Variants in ZDHHC14 observed in about 807,000 individuals in gnomAD.
The protein encoded by ZDHHC14 is zDHHC palmitoyltransferase 14.
ZDHHC14 carries 16 observed loss-of-function variants against 47.7 expected under a neutral mutation model. The ratio of observed to expected loss-of-function variants is 0.34; its 90% CI spans 0.23 to 0.51. The LOEUF is 0.51. Ranked by LOEUF, ZDHHC14 falls within the 20% of genes least tolerant of loss-of-function variation. The probability of loss-of-function intolerance (pLI) is 0.97; values close to 1 mark genes in which losing one functional copy is unlikely to be tolerated. For synonymous variants in ZDHHC14, 293 were observed against 278.9 expected (o/e 1.05, Z -0.50); for missense variants, 515 against 662.5 (o/e 0.78, Z 2.44).
rs1236803708 is a variant in ZDHHC14, at chr6:157,613,792, GTACC to G, written c.566-14554_566-14551del. Among the ~76,000 whole-genome samples, 6 of 152,186 alleles carry G rather than the reference GTACC, an allele frequency of 3.9e-5. No homozygotes were observed. The East Asian group carries it at 9.7e-4, about 25-fold the overall frequency. On this transcript the variant is annotated intron_variant, in intron 3 of 8. Transcript: ENST00000359775. ...GCCTAGGAATAGGCTTCGGGAAATT[GTACC>G]TAAAATGTGTGAGTGCACGAGAGTG... is the stretch of plus-strand genomic sequence containing the variant.
rs1363449197 is a variant in ZDHHC14 at position 157,664,758 on chromosome 6, G to A, written c.1069-7966G>A. On this transcript the variant is annotated intron_variant, in intron 8 of 8. Coordinates refer to ENST00000359775, the MANE Select transcript of ZDHHC14 (RefSeq NM_024630.3). ...CTAATGCACTACTTTTCTCAACCTC[G>A]AGTATCTCTATTTCTCTTTCAGCCA... Among the ~76,000 whole-genome samples the A allele has an allele frequency of 3.3e-5, 5 of 152,120 alleles. No homozygotes were observed. The East Asian group carries it at 7.7e-4, about 23-fold the overall frequency.
rs571931361 is a variant in ZDHHC14 at position 157,609,024 on chromosome 6, G to GT, written c.565+15884dup. Among the ~76,000 whole-genome samples, 353 of 152,260 alleles carry GT rather than the reference G, an allele frequency of 2.3e-3. 2 individuals carry two copies. Among genetic ancestry groups the GT allele is most frequent in the African/African-American group, 7.8e-3 (325 of 41,540 alleles). ...GACCCCTCTGGTTCCTGAGAGCATG[G>GT]TTTTTTCCCCATGCTACCAAGTAAT... On this transcript the variant is annotated intron_variant, in intron 3 of 8. Transcript: ENST00000359775.
intron 1 of ZDHHC14, among the ~76,000 whole-genome samples, chr6:157,540,674 AG>A (rs1275631219): frequency 1.3e-5 from 2 of 152,084 alleles, no homozygotes; most frequent in Admixed American, 6.6e-5. Context: ...AATCTTGAGA[AG>A]GGGGAAAAAC....
At chr6:157,559,850 T>C (rs921241456) in intron 2 of ZDHHC14, among the ~76,000 whole-genome samples, 1 of 152,098 alleles carries the variant, frequency 6.6e-6, no homozygotes, top group Non-Finnish European at 1.5e-5. Context: ...AGAACCAAAA[T>C]AATAAAATGA....
chr6:157,597,895 C>T (rs1239216085), intron 3 of ZDHHC14, among the ~76,000 whole-genome samples: 1 of 152,278 alleles, frequency 6.6e-6, no homozygotes, highest in African/African-American at 2.4e-5. Context: ...TGCAGGGACT[C>T]AGTGTCCAGT....
intron 1 of ZDHHC14, among the ~76,000 whole-genome samples, chr6:157,498,843 A>T (rs180727246): frequency 4.6e-5 from 7 of 152,320 alleles, no homozygotes; most frequent in Admixed American, 1.3e-4. Flanking sequence ...GGACTTTATT[A>T]ATAGGTTAAA....
At chr6:157,638,027 T>C (rs1048982758) in intron 5 of ZDHHC14, among the ~76,000 whole-genome samples, 3 of 151,952 alleles carry the variant, frequency 2.0e-5, no homozygotes. Flanking sequence ...CTACTGTAAG[T>C]AAGCCCGGAC....
At chr6:157,671,656 G>A (rs1391940534) in intron 8 of ZDHHC14, among the ~76,000 whole-genome samples, 2 of 152,176 alleles carry the variant, frequency 1.3e-5, no homozygotes, top group East Asian at 1.9e-4. Context: ...CCCAGTGAGC[G>A]AAGGGAAACA....
At chr6:157,474,250 C>G (rs1030783362) in intron 1 of ZDHHC14, among the ~76,000 whole-genome samples, 1 of 152,150 alleles carries the variant, frequency 6.6e-6, no homozygotes. Flanking sequence ...CTCAGGCTCC[C>G]AAAGTCCTGC....
chr6:157,656,733 A>C lies in ZDHHC14; in HGVS notation c.1068+3106A>C, dbSNP rs1009334744. Among the ~76,000 whole-genome samples the C allele has an allele frequency of 8.1e-4, 118 of 146,538 alleles. 3 individuals are homozygous for C. Among genetic ancestry groups the C allele is most frequent in the Admixed American group, 7.7e-3 (114 of 14,814 alleles). On this transcript the variant is annotated intron_variant, in intron 8 of 8. Coordinates refer to ENST00000359775, the MANE Select transcript of ZDHHC14 (RefSeq NM_024630.3). Reference sequence around the variant, plus strand: ...AAAAAAAAAAACAAAAAAAAAAAAAACAAGACTCCTTGCCCTCCTGTTCTC... The same window carrying C: ...AAAAAAAAAAACAAAAAAAAAAAAACCAAGACTCCTTGCCCTCCTGTTCTC...
intron 3 of ZDHHC14, among the ~76,000 whole-genome samples, chr6:157,626,114 C>T (rs1785401544): frequency 6.6e-6 from 1 of 152,154 alleles, no homozygotes. Flanking sequence ...TGCTGCAAGA[C>T]CTTCATGCTT....
chr6:157,458,848 G>GGTTTTTTTTTTTTTT (rs1778990291), intron 1 of ZDHHC14, among the ~76,000 whole-genome samples: 1 of 68,756 alleles, frequency 1.5e-5, no homozygotes, highest in Non-Finnish European at 2.8e-5. Context: ...AATGTGGGTG[G>GGTTTTTTTTTTTTTT]ATTTTTTTTT....
chr6:157,430,209 G>A (rs868452911), intron 1 of ZDHHC14, among the ~76,000 whole-genome samples: 3 of 151,576 alleles, frequency 2.0e-5, no homozygotes, highest in South Asian at 4.2e-4. Context: ...CCAGCTACTC[G>A]GGAGGCTGAG....
At chr6:157,650,313 G>T (rs1179132686) in intron 7 of ZDHHC14, among the ~76,000 whole-genome samples, 1 of 152,122 alleles carries the variant, frequency 6.6e-6, no homozygotes, top group Non-Finnish European at 1.5e-5. Context: ...CGAGGGTGAG[G>T]GTCCTGGCTC....
chr6:157,416,964 C>A (rs1411585964), intron 1 of ZDHHC14, among the ~76,000 whole-genome samples: 4 of 130,570 alleles, frequency 3.1e-5, no homozygotes, highest in Non-Finnish European at 6.3e-5. Flanking sequence ...CGCCACCATG[C>A]CTGGCTAGTT....
intron 3 of ZDHHC14, among the ~76,000 whole-genome samples, chr6:157,627,407 CTT>C (rs2114949956): frequency 6.6e-6 from 1 of 152,304 alleles, no homozygotes; most frequent in African/African-American, 2.4e-5. Context: ...CACAGGCAGT[CTT>C]GTATGAGCGA....
At chr6:157,672,637 C>CCCCCCG in intron 8 of ZDHHC14, 87 bp from the exon 9 acceptor site, 4 of 313,444 alleles carry the variant, frequency 1.3e-5, no homozygotes, top group Non-Finnish European at 2.5e-5. Context: ...CCACCCTCCC[C>CCCCCCG]GCCCGTGCCC....
chr6:157,612,753 G>A (rs536025994), intron 3 of ZDHHC14, among the ~76,000 whole-genome samples: 7 of 152,072 alleles, frequency 4.6e-5, no homozygotes, highest in African/African-American at 1.7e-4. Context: ...ATTTACTGAA[G>A]GAGAGAAGGG....
chr6:157,447,741 T>A lies in ZDHHC14; in HGVS notation c.245+65475T>A, dbSNP rs145173057. On this transcript the variant is annotated intron_variant, in intron 1 of 8. Transcript: ENST00000359775. ...AGCCATTTGGTTTAAGTTTTTACCTTAATTTGTAACCTTTACATATTTAGG... is the reference window on the plus strand; with the variant it reads ...AGCCATTTGGTTTAAGTTTTTACCTAAATTTGTAACCTTTACATATTTAGG... Among the ~76,000 whole-genome samples, 221 of 152,362 alleles carry A rather than the reference T, an allele frequency of 1.5e-3. 1 individual carries two copies. The highest frequency in any genetic ancestry group is 1.1e-3 in the Non-Finnish European group (76 of 68,030).
Sources: allele counts gnomAD v4.1 joint callset (sites outside exome capture counted in the v4.1 genomes callset), GRCh38; gene constraint gnomAD v4.1.1; transcripts MANE v1.5; gene names NCBI Gene and HGNC (gene_info 2026-07-23, HGNC 2026-07-21).